Variants in CASP9 observed in about 807,000 individuals in gnomAD.
CASP9 encodes caspase-9.
A neutral mutation model predicts 43.5 loss-of-function variants in CASP9; 29 were observed. That is an observed-to-expected ratio of 0.67 (90% CI 0.50 to 0.91). The LOEUF is 0.91. Among genes scored for constraint, CASP9 ranks in the 40% least tolerant of loss-of-function variants. The probability of loss-of-function intolerance (pLI) is 0.00; values close to 1 mark genes in which losing one functional copy is unlikely to be tolerated. For synonymous variants in CASP9, 206 were observed against 211.9 expected, an observed-to-expected ratio of 0.97 and a Z score of 0.24; for missense variants, 575 against 537.4, an observed-to-expected ratio of 1.07 and a Z score of -0.69.
In CASP9 at chr1:15,524,211, C is replaced by A; in HGVS notation, c.-11G>T. On this transcript the variant is annotated 5_prime_UTR_variant, in exon 1 of 9. Coordinates refer to ENST00000333868, the MANE Select transcript of CASP9 (RefSeq NM_001229.5). The stretch of plus-strand genomic sequence containing the variant: ...ATCCGCTTCGTCCATGGCGAGTAGC[C>A]AACTAAGACTCCAGGCCGCCTCAGT... The A allele has an allele frequency of 6.5e-7, 1 of 1,540,690 alleles. No homozygotes were observed. Among genetic ancestry groups the A allele is most frequent in the East Asian group, 2.4e-5 (1 of 41,196 alleles).
At chr1:15,504,567 C>A (rs774883434) in intron 6 of CASP9, 44 bp downstream of exon 6, 4 of 1,573,870 alleles carry the variant, frequency 2.5e-6, no homozygotes, top group East Asian at 4.5e-5. Context: ...TGGCGGCTCC[C>A]TCCCCACCAG....
At chr1:15,510,128 C>A (rs1459060372) in intron 2 of CASP9, among the ~76,000 whole-genome samples, 1 of 152,154 alleles carries the variant, frequency 6.6e-6, no homozygotes, top group African/African-American at 2.4e-5. Context: ...TGGGGTTTCA[C>A]CATGTTAGCC....
chr1:15,493,261 T>C (rs967173819), intron 8 of CASP9: 23 of 1,393,532 alleles, frequency 1.7e-5, no homozygotes, highest in Non-Finnish European at 1.9e-5. Context: ...GACTGAAATA[T>C]TTGCAAGGAG....
At chr1:15,506,696 A>G (rs527668157) in intron 4 of CASP9, among the ~76,000 whole-genome samples, 38 of 152,210 alleles carry the variant, frequency 2.5e-4, no homozygotes, top group Non-Finnish European at 4.6e-4. Context: ...GAGGTCACAC[A>G]GCAGGTGGCC....
intron 1 of CASP9, 138 bp downstream of exon 1, chr1:15,523,931 G>A (rs1325139753): frequency 6.6e-6 from 4 of 609,736 alleles, no homozygotes; most frequent in Non-Finnish European, 1.1e-5. Context: ...GCGAACACCC[G>A]ACTAAGAGGT....
At position 15,493,988 on chromosome 1, in the gene CASP9, C is replaced by G. The variant is rs566567745; in HGVS notation, c.1062G>C (p.Trp354Cys). The G allele has an allele frequency of 6.3e-7, 1 of 1,594,006 alleles. No homozygotes were observed. The highest frequency in any genetic ancestry group is 1.1e-5 in the South Asian group (1 of 88,342). The change falls in exon 8 of 9, where the codon TGG becomes TGC. Residue 354 changes from tryptophan to cysteine, a missense_variant. By Grantham distance (215) the Trp-to-Cys change is radical (BLOSUM62 -2). Transcript: ENST00000333868. ...ACCAGGAGCCACTCTTGGGGTCCCT[C>G]CAGGAAACAAAACCTTTGGAGGGAG... ...SYSTFPGFVS[W>C]RDPKSGSWYV... is the part of the protein sequence containing the mutation.
intron 2 of CASP9, among the ~76,000 whole-genome samples, chr1:15,508,707 A>T (rs1709619183): frequency 6.7e-6 from 1 of 149,830 alleles, no homozygotes; most frequent in Admixed American, 6.8e-5. Flanking sequence ...GAGCCACTGC[A>T]CCCAGCCTCA....
At chr1:15,498,859 G>A (rs894387761) in intron 6 of CASP9, among the ~76,000 whole-genome samples, 1 of 145,228 alleles carries the variant, frequency 6.9e-6, no homozygotes, top group East Asian at 2.0e-4. Flanking sequence ...CGATTCTCCT[G>A]TCTCAGCCTC....
At chr1:15,506,600 G>T (rs983739820) in intron 4 of CASP9, among the ~76,000 whole-genome samples, 1 of 152,130 alleles carries the variant, frequency 6.6e-6, no homozygotes, top group Non-Finnish European at 1.5e-5. Context: ...AAGGTGCTAC[G>T]CTTGGGCACT....
Position 15,491,449 on chromosome 1 carries a change from C to G in CASP9, c.*1494G>C, listed in dbSNP as rs866125016. On this transcript the variant is annotated 3_prime_UTR_variant, in exon 9 of 9. Transcript: ENST00000333868. ...TTATTAATTCAGAAATCCATCCTAACATCCAGGGCCCTAAGAACCAGAAAT... is the reference window on the plus strand; with the variant it reads ...TTATTAATTCAGAAATCCATCCTAAGATCCAGGGCCCTAAGAACCAGAAAT... 4.0e-6 allele frequency: 5 copies of G among 1,240,188 alleles called. No homozygotes were observed. Among genetic ancestry groups the G allele is most frequent in the Middle Eastern group, 3.9e-4 (2 of 5,170 alleles). The allele number at this position is 1,240,188 out of a possible 1,614,324, so 76.8% of individuals were successfully genotyped here. A position where few individuals can be genotyped will look rare whatever the true frequency, so the allele number is the denominator to read the frequency against.
intron 2 of CASP9, among the ~76,000 whole-genome samples, chr1:15,515,161 T>C (rs1709903921): frequency 6.6e-6 from 1 of 152,218 alleles, no homozygotes; most frequent in Non-Finnish European, 1.5e-5. Flanking sequence ...ATTCTGACTG[T>C]TGGTCCTAAA....
chr1:15,496,345 T>A (rs192920610), intron 6 of CASP9, among the ~76,000 whole-genome samples: 14 of 152,350 alleles, frequency 9.2e-5, no homozygotes, highest in Admixed American at 3.9e-4. Context: ...CCTTTTTCTA[T>A]AAGATCAGGA....
intron 2 of CASP9, among the ~76,000 whole-genome samples, chr1:15,510,740 T>C (rs1709722559): frequency 6.6e-6 from 1 of 151,960 alleles, no homozygotes; most frequent in African/African-American, 2.4e-5. Context: ...CCCCTCAAGT[T>C]GGGTGACATG....
intron 6 of CASP9, among the ~76,000 whole-genome samples, chr1:15,497,600 G>A (rs1460527297): frequency 4.7e-5 from 7 of 150,336 alleles, no homozygotes; most frequent in South Asian, 2.1e-4. Flanking sequence ...CCGAGATGGC[G>A]CCACAGTCCT....
At chr1:15,514,451 C>T (rs899570448) in intron 2 of CASP9, among the ~76,000 whole-genome samples, 2 of 152,160 alleles carry the variant, frequency 1.3e-5, no homozygotes, top group Non-Finnish European at 2.9e-5. Context: ...ACTCTGGAGT[C>T]TAAGGCCCAG....
At chr1:15,496,864 AT>A (rs1709121297) in intron 6 of CASP9, among the ~76,000 whole-genome samples, 2 of 152,016 alleles carry the variant, frequency 1.3e-5, no homozygotes, top group African/African-American at 4.8e-5. Context: ...ATAATAAAAA[AT>A]TTAGCCAGGT....
At chr1:15,520,445 C>A (rs1015085939) in intron 1 of CASP9, among the ~76,000 whole-genome samples, 13 of 152,218 alleles carry the variant, frequency 8.5e-5, no homozygotes, top group African/African-American at 2.9e-4. Flanking sequence ...CATTATTAAT[C>A]ATTAGCTTTT....
chr1:15,520,821 T>C (rs1344324815), intron 1 of CASP9, among the ~76,000 whole-genome samples: 6 of 149,374 alleles, frequency 4.0e-5, no homozygotes, highest in Non-Finnish European at 8.9e-5. Context: ...GGCGTGGTAG[T>C]GCGCACCTGT....
chr1:15,520,302 C>T (rs1380310878), intron 1 of CASP9, among the ~76,000 whole-genome samples: 1 of 152,112 alleles, frequency 6.6e-6, no homozygotes, highest in Non-Finnish European at 1.5e-5. Flanking sequence ...CGAAAGATTA[C>T]CCAGGTGCCG....
Sources: gnomAD v4.1 joint callset for allele counts (sites outside exome capture counted in the v4.1 genomes callset) on GRCh38, gnomAD v4.1.1 for gene constraint, MANE v1.5 for transcripts, NCBI Gene and HGNC (gene_info 2026-07-23, HGNC 2026-07-21) for gene names.